Variants in SLC8A1 observed in about 807,000 individuals in gnomAD.
SLC8A1 encodes solute carrier family 8 member A1.
A neutral mutation model predicts 68.3 loss-of-function variants in SLC8A1; 18 were observed. The observed-to-expected ratio is 0.26, with a 90% CI of 0.18 to 0.39. The LOEUF is 0.39. SLC8A1 is among the 10% of genes least tolerant of loss of function. SLC8A1 has a pLI of 1.00. For synonymous variants in SLC8A1, 475 were observed against 415.5 expected (o/e 1.14, Z -1.74); for missense variants, 985 against 1,156.7 (o/e 0.85, Z 2.15).
chr2:40,129,499 G>T (rs1373114581), intron 7 of SLC8A1, among the ~76,000 whole-genome samples: 3 of 152,124 alleles, frequency 2.0e-5, no homozygotes, highest in Admixed American at 6.6e-5. Context: ...GCCTCCCAAA[G>T]TGTGGGGATT....
chr2:40,304,836 C>G (rs6730154), intron 2 of SLC8A1, among the ~76,000 whole-genome samples: 1 of 151,966 alleles, frequency 6.6e-6, no homozygotes, highest in Non-Finnish European at 1.5e-5. Flanking sequence ...CTCATGCGCC[C>G]GCCAGAGATG....
intron 2 of SLC8A1, among the ~76,000 whole-genome samples, chr2:40,378,937 T>C (rs1030805744): frequency 1.3e-5 from 2 of 152,124 alleles, no homozygotes; most frequent in African/African-American, 4.8e-5. Flanking sequence ...GTTGTATTCA[T>C]GCTAGGCATT....
chr2:40,361,849 A>G (rs1489812928), intron 2 of SLC8A1, among the ~76,000 whole-genome samples: 2 of 142,498 alleles, frequency 1.4e-5, no homozygotes, highest in Non-Finnish European at 3.0e-5. Flanking sequence ...TTCAATAATA[A>G]TTATGCTAGA....
chr2:40,367,195 GC>G (rs1160417065), intron 2 of SLC8A1, among the ~76,000 whole-genome samples: 1 of 151,948 alleles, frequency 6.6e-6, no homozygotes, highest in Non-Finnish European at 1.5e-5. Context: ...ACTAACTCTT[GC>G]TTAATCAGGC....
At chr2:40,288,478 C>T (rs2068691871) in intron 2 of SLC8A1, among the ~76,000 whole-genome samples, 1 of 151,958 alleles carries the variant, frequency 6.6e-6, no homozygotes, top group Non-Finnish European at 1.5e-5. Flanking sequence ...TAATATTCTC[C>T]CCAGCCCCTA....
intron 4 of SLC8A1, among the ~76,000 whole-genome samples, chr2:40,169,833 C>T (rs118899): frequency 0.079 from 12,028 of 152,176 alleles, 657 homozygotes; most frequent in Middle Eastern, 0.17. Flanking sequence ...CCTAGCTACT[C>T]AGGAGGCTGA....
chr2:40,480,666 T>C (rs1704571138), intron 1 of SLC8A1, among the ~76,000 whole-genome samples: 1 of 152,182 alleles, frequency 6.6e-6, no homozygotes, highest in African/African-American at 2.4e-5. Flanking sequence ...CCAAAATTTC[T>C]TGTTGGAGTG....
chr2:40,448,617 A>AT (rs1701874889), intron 1 of SLC8A1, among the ~76,000 whole-genome samples: 1 of 152,226 alleles, frequency 6.6e-6, no homozygotes, highest in African/African-American at 2.4e-5. Flanking sequence ...TAAGGGAACC[A>AT]TAAGTGATGT....
At chr2:40,408,419 G>A (rs1407779619) in intron 2 of SLC8A1, among the ~76,000 whole-genome samples, 2 of 152,156 alleles carry the variant, frequency 1.3e-5, no homozygotes, top group Non-Finnish European at 2.9e-5. Flanking sequence ...CAATTTGGAA[G>A]CACTAAGTGA....
At chr2:40,271,395 T>A (rs1437868948) in intron 2 of SLC8A1, among the ~76,000 whole-genome samples, 1 of 152,276 alleles carries the variant, frequency 6.6e-6, no homozygotes, top group East Asian at 1.9e-4. Flanking sequence ...TTTGCATGGT[T>A]AATTTCTTCC....
chr2:40,123,391 A>G (rs1322949571), intron 7 of SLC8A1: 2 of 152,248 alleles, frequency 1.3e-5, no homozygotes, highest in Non-Finnish European at 2.9e-5. Flanking sequence ...TATTTTCATG[A>G]AAGACTCCTT....
intron 6 of SLC8A1, among the ~76,000 whole-genome samples, chr2:40,141,658 T>A (rs1307898843): frequency 6.6e-6 from 1 of 152,210 alleles, no homozygotes; most frequent in Non-Finnish European, 1.5e-5. Context: ...GAAGATACTT[T>A]TTAATAAAAA....
At chr2:40,357,369 T>C (rs1285865401) in intron 2 of SLC8A1, among the ~76,000 whole-genome samples, 1 of 150,922 alleles carries the variant, frequency 6.6e-6, no homozygotes, top group East Asian at 2.0e-4. Context: ...TGGTGGTGGG[T>C]GCCTGCAGTC....
intron 2 of SLC8A1, among the ~76,000 whole-genome samples, chr2:40,270,640 C>T (rs2065911207): frequency 6.6e-6 from 1 of 152,212 alleles, no homozygotes; most frequent in Non-Finnish European, 1.5e-5. Context: ...AGATTGGAAC[C>T]ACTGAAAAAT....
chr2:40,241,183 A>G (rs534481655), intron 2 of SLC8A1, among the ~76,000 whole-genome samples: 1 of 152,270 alleles, frequency 6.6e-6, no homozygotes, highest in Admixed American at 6.5e-5. Context: ...AAAGAACAAA[A>G]TCATGGTTTT....
At chr2:40,277,792 G>GTATATATATA (rs750119043) in intron 2 of SLC8A1, among the ~76,000 whole-genome samples, 20 of 92,152 alleles carry the variant, frequency 2.2e-4, no homozygotes, top group Admixed American at 8.1e-4. Context: ...ATATATATGT[G>GTATATATATA]TGTATATATA....
intron 4 of SLC8A1, 107 bp from the exon 7 acceptor site, chr2:40,170,456 C>T (rs2047276564): frequency 2.2e-6 from 2 of 906,926 alleles, no homozygotes. Context: ...GCACACATCA[C>T]AAGCAACGTT....
intron 7 of SLC8A1, among the ~76,000 whole-genome samples, chr2:40,138,234 G>T (rs908847415): frequency 3.3e-5 from 5 of 152,164 alleles, no homozygotes; most frequent in Non-Finnish European, 4.4e-5. Flanking sequence ...AGAATAACTG[G>T]TGAATTTGAG....
intron 4 of SLC8A1, among the ~76,000 whole-genome samples, chr2:40,170,834 A>G (rs1344240509): frequency 6.6e-6 from 1 of 152,236 alleles, no homozygotes; most frequent in Non-Finnish European, 1.5e-5. Context: ...TGCCAACAAT[A>G]TAGCCTTGTG....
Sources: allele counts gnomAD v4.1 joint callset (sites outside exome capture counted in the v4.1 genomes callset), GRCh38; gene constraint gnomAD v4.1.1; transcripts MANE v1.5; gene names NCBI Gene and HGNC (gene_info 2026-07-23, HGNC 2026-07-21).